The following TIE1 variants were observed in gnomAD, a reference collection of about 807,000 sequenced individuals.
TIE1 encodes tyrosine kinase with immunoglobulin like and EGF like domains 1.
TIE1 carries 89 observed loss-of-function variants against 130.5 expected under a neutral mutation model. That is an observed-to-expected ratio of 0.68 (90% CI 0.57 to 0.81). The LOEUF is 0.81. TIE1 is among the 40% of genes least tolerant of loss of function. The probability of loss-of-function intolerance (pLI) is 0.00; values close to 1 mark genes in which losing one functional copy is unlikely to be tolerated. For missense variants in TIE1, 1,392 were observed against 1,559.8 expected, an observed-to-expected ratio of 0.89 and a Z score of 1.81; for synonymous variants, 568 against 629.4, an observed-to-expected ratio of 0.90 and a Z score of 1.46.
In TIE1 at chr1:43,319,539, A is replaced by T; in HGVS notation, c.3107+10A>T. The T allele has an allele frequency of 6.2e-7, 1 of 1,613,656 alleles. No individual in the cohort carries two copies. The highest frequency in any genetic ancestry group is 8.5e-7 in the Non-Finnish European group (1 of 1,179,728). On this transcript the variant is annotated intron_variant, in intron 19 of 22. Transcript: ENST00000372476. The surrounding 1 kb of genome is among the most constrained non-coding windows in gnomAD (Gnocchi z 4.7). Reference sequence around the variant, plus strand: ...CCACCAAGAGTGATGTGTGAGTGTGAGATGAGAGGGCACAGGAGGGCTTGG... The same window carrying T: ...CCACCAAGAGTGATGTGTGAGTGTGTGATGAGAGGGCACAGGAGGGCTTGG...
Position 43,309,182 on chromosome 1 carries a change from C to A in TIE1, c.1188+51C>A, listed in dbSNP as rs1396651717. 6.5e-7 allele frequency: 1 copy of A among 1,547,946 alleles called. No individual in the cohort carries two copies. The highest frequency in any genetic ancestry group is 1.4e-5 in the African/African-American group (1 of 72,994). Reference sequence around the variant, plus strand: ...CCAGCCCCTCAGGCCGCCTGCTTCACAGCTGATCCCTAAGACCCCCTAGTC... The same window carrying A: ...CCAGCCCCTCAGGCCGCCTGCTTCAAAGCTGATCCCTAAGACCCCCTAGTC... On this transcript the variant is annotated intron_variant, in intron 8 of 22. Transcript: ENST00000372476. This position sits in a 1 kb window ranked among gnomAD's most constrained non-coding sequence, Gnocchi z 6.3.
In TIE1 at chr1:43,317,811, C is replaced by A; in HGVS notation, c.2732-71C>A. On this transcript the variant is annotated intron_variant, in intron 16 of 22. Transcript: ENST00000372476. This position sits in a 1 kb window ranked among gnomAD's most constrained non-coding sequence, Gnocchi z 5.1. ...GATCCTCCTTCATCCCTGTCTGTTA[C>A]CATCGGGTGCCTGCTCCCACCCTAG... The A allele has an allele frequency of 6.5e-7, 1 of 1,549,974 alleles. No homozygotes were observed. Among genetic ancestry groups the A allele is most frequent in the South Asian group, 1.2e-5 (1 of 86,758 alleles).
In TIE1 at chr1:43,304,898, C is replaced by G; in HGVS notation, c.106C>G (p.Pro36Ala). ...GCTGGCCAACCTGCGGCTCACGGAC[C>G]CCCAGCGCTTCTTCCTGACTTGCGT... ...TLLANLRLTD[P>A]QRFFLTCVSG... Residue 36 changes from proline to alanine, a missense_variant, in exon 2 of 23, where the codon CCC becomes GCC. Physicochemically the swap from Pro to Ala is conservative, Grantham distance 27. This residue lies in a region of TIE1 where 415 missense variants were observed against 424.8 expected (regional missense o/e 0.98). Coordinates refer to ENST00000372476, the MANE Select transcript of TIE1 (RefSeq NM_005424.5). 1.4e-6 allele frequency: 2 copies of G among 1,431,186 alleles called. No individual in the cohort carries two copies. The highest frequency in any genetic ancestry group is 1.8e-6 in the Non-Finnish European group (2 of 1,098,430). The allele number at this position is 1,431,186 out of a possible 1,614,324, so 88.7% of individuals were successfully genotyped here.
chr1:43,307,402 G>T lies in TIE1; in HGVS notation c.773-30G>T. Reference sequence around the variant, plus strand: ...GTCCTGGGCCCAGGGGCCCACAGAGGCCCATACACCCCACACACTCTCTTT... The same window carrying T: ...GTCCTGGGCCCAGGGGCCCACAGAGTCCCATACACCCCACACACTCTCTTT... On this transcript the variant is annotated intron_variant, in intron 5 of 22. Transcript: ENST00000372476. The surrounding 1 kb of genome is among the most constrained non-coding windows in gnomAD (Gnocchi z 5.4). 6.2e-7 allele frequency: 1 copy of T among 1,613,460 alleles called. No individual in the cohort carries two copies. The highest frequency in any genetic ancestry group is 8.5e-7 in the Non-Finnish European group (1 of 1,179,724).
At position 43,312,533 on chromosome 1, in the gene TIE1, T is replaced by C; in HGVS notation, c.1859T>C (p.Val620Ala). The change falls in exon 12 of 23, where the codon GTG becomes GCG. Residue 620 changes from valine (V) to alanine (A), a missense_variant. Physicochemically the swap from Val to Ala is moderately conservative, Grantham distance 64. Transcript: ENST00000372476. This position sits in a 1 kb window ranked among gnomAD's most constrained non-coding sequence, Gnocchi z 5.6. Reference protein sequence around the residue: ...LTPGTHYQLDVQLYHCTLLGP... With the variant: ...LTPGTHYQLDAQLYHCTLLGP... ...CCTGGCACCCACTACCAGCTGGATG[T>C]GCAGCTCTACCACTGCACCCTCCTG... 6.2e-7 allele frequency: 1 copy of C among 1,613,494 alleles called. No individual in the cohort carries two copies. Among genetic ancestry groups the C allele is most frequent in the Non-Finnish European group, 8.5e-7 (1 of 1,179,876 alleles).
chr1:43,304,990 C>CAA lies in TIE1; in HGVS notation c.198_199insAA (p.Asp67LysfsTer71), dbSNP rs1646710429. ...GCCCGCCCCTGCTGCTGGAGAAGGA[C>CAA]GACCGTATCGTGCGCACCCCGCCCG... On this transcript the variant is annotated frameshift_variant, in exon 2 of 23. Coordinates refer to ENST00000372476, the MANE Select transcript of TIE1 (RefSeq NM_005424.5). LOFTEE classifies it high-confidence loss of function. 6.6e-7 allele frequency: 1 copy of CAA among 1,503,818 alleles called. No individual in the cohort carries two copies. Among genetic ancestry groups the CAA allele is most frequent in the Non-Finnish European group, 8.9e-7 (1 of 1,126,184 alleles). The allele number at this position is 1,503,818 out of a possible 1,614,324, so 93.2% of individuals were successfully genotyped here.
At chr1:43,308,033 C>G in intron 7 of TIE1, 109 bp downstream of exon 7, 1 of 1,488,210 alleles carries the variant, frequency 6.7e-7, no homozygotes, top group Non-Finnish European at 9.0e-7. Context: ...GGGTCCAAGT[C>G]CTGCCCTCAG....
chr1:43,318,341 G>C lies in TIE1; in HGVS notation c.2922+269G>C, dbSNP rs1253715491. Reference sequence around the variant, plus strand: ...GAGGCCCAGGCTGGAGACAGCATCTGTGTGTGAGCTGTCACCCCACAGATG... The same window carrying C: ...GAGGCCCAGGCTGGAGACAGCATCTCTGTGTGAGCTGTCACCCCACAGATG... On this transcript the variant is annotated intron_variant, in intron 17 of 22. Transcript: ENST00000372476. The surrounding 1 kb of genome is among the most constrained non-coding windows in gnomAD (Gnocchi z 4.4). Among the ~76,000 whole-genome samples, 1 of 152,150 alleles carries C rather than the reference G, an allele frequency of 6.6e-6. No homozygotes were observed.
In TIE1 at chr1:43,321,137, GC is replaced by G. The variant is rs1646915671; in HGVS notation, c.3108-130del. 4.3e-6 allele frequency: 4 copies of G among 941,084 alleles called. No homozygotes were observed. In the East Asian group the frequency reaches 9.6e-5, roughly 23 times the overall value. 58.3% of individuals were successfully genotyped at this position (941,084 alleles called of 1,614,324 possible). On this transcript the variant is annotated intron_variant, in intron 19 of 22. Transcript: ENST00000372476. ...TTCATTGGCGCAGAGACAACAGCTG[GC>G]CAAGGCCAGATACTTACAGAGTAGA...
chr1:43,303,512 G>T (rs1646691099), intron 1 of TIE1, among the ~76,000 whole-genome samples: 1 of 152,154 alleles, frequency 6.6e-6, no homozygotes, highest in African/African-American at 2.4e-5. Context: ...AAGCTAGGTG[G>T]CATTTAAACT....
intron 22 of TIE1, 75 bp downstream of exon 22, chr1:43,321,790 C>T (rs1646923501): frequency 2.1e-6 from 3 of 1,402,672 alleles, no homozygotes; most frequent in Admixed American, 4.0e-5. Flanking sequence ...GGTGCCATGA[C>T]CCCTGTCCCA....
chr1:43,320,700 AAG>A (rs1646907212), intron 19 of TIE1: 2 of 151,882 alleles, frequency 1.3e-5, no homozygotes, highest in South Asian at 2.1e-4. Context: ...AAAATACAAA[AAG>A]AAATTAGCCG....
chr1:43,308,913 C>T (rs1268379796), intron 7 of TIE1, 73 bp from the exon 8 acceptor site: 22 of 1,604,066 alleles, frequency 1.4e-5, no homozygotes, highest in Admixed American at 3.3e-5. Flanking sequence ...AAACAGAACA[C>T]GGATGAGGGG....
rs1173063617 is a variant in TIE1 at position 43,317,081 on chromosome 1, A to T, written c.2410-118A>T. The T allele has an allele frequency of 3.8e-6, 4 of 1,046,802 alleles. No homozygotes were observed. The African/African-American group carries it at 6.2e-5, about 16-fold the overall frequency. The allele number at this position is 1,046,802 out of a possible 1,614,324, so 64.8% of individuals were successfully genotyped here. The stretch of plus-strand genomic sequence containing the variant: ...CTGGCTGACCACCAGGGTGCCCTCC[A>T]TCTGGGTCTCTGCCCACTTGTCTGA... On this transcript the variant is annotated intron_variant, in intron 14 of 22. Transcript: ENST00000372476. The surrounding 1 kb of genome is among the most constrained non-coding windows in gnomAD (Gnocchi z 5.1).
rs1031723042 is a variant in TIE1 at position 43,304,903 on chromosome 1, G to C, written c.111G>C (p.Gln37His). The C allele has an allele frequency of 6.3e-6, 9 of 1,435,122 alleles. No individual in the cohort carries two copies. The African/African-American group carries it at 1.3e-4, about 21-fold the overall frequency. 88.9% of individuals were successfully genotyped at this position (1,435,122 alleles called of 1,614,324 possible). Residue 37 changes from glutamine to histidine, a missense_variant, in exon 2 of 23, where the codon CAG (glutamine) becomes CAC (histidine). Around this residue, in one of 6 missense-constraint regions of TIE1, gnomAD observed 415 missense variants for 424.8 expected, o/e 0.98. Transcript: ENST00000372476. ...LLANLRLTDPQRFFLTCVSGE... is the reference protein window; with the variant it reads ...LLANLRLTDPHRFFLTCVSGE... The stretch of plus-strand genomic sequence containing the variant: ...CCAACCTGCGGCTCACGGACCCCCA[G>C]CGCTTCTTCCTGACTTGCGTGTCTG...
rs1208399651 is a variant in TIE1, at chr1:43,304,624, G to A, written c.59-227G>A. ...TCTTTTAGAATGAAGAGACTTGAGG[G>A]AAAGAGGCCAGTGCGCATGGAAGGG... On this transcript the variant is annotated intron_variant, in intron 1 of 22. Transcript: ENST00000372476. 7.2e-5 allele frequency among the ~76,000 whole-genome samples: 11 copies of A among 152,248 alleles called. 1 individual carries two copies. The East Asian group carries it at 1.5e-3, about 21-fold the overall frequency.
intron 14 of TIE1, chr1:43,314,236 C>A: frequency 2.9e-6 from 2 of 697,160 alleles, no homozygotes; most frequent in Non-Finnish European, 4.4e-6. Flanking sequence ...GACCATATTT[C>A]ACAATGGACA....
At position 43,313,283 on chromosome 1, in the gene TIE1, G is replaced by T. The variant is rs1278785211; in HGVS notation, c.2076G>T (p.Trp692Cys). ...CTGGGGGTGCAGGAGACCCACTGTGGATAGACGTGGACAGGCCTGAGGAGA... is the reference window on the plus strand; with the variant it reads ...CTGGGGGTGCAGGAGACCCACTGTGTATAGACGTGGACAGGCCTGAGGAGA... Reference protein sequence around the residue: ...QVAGGAGDPLWIDVDRPEETS... With the variant: ...QVAGGAGDPLCIDVDRPEETS... The change falls in exon 13 of 23, where the codon TGG (tryptophan) becomes TGT (cysteine). Residue 692 changes from tryptophan to cysteine, a missense_variant. Physicochemically the swap from Trp to Cys is radical, Grantham distance 215. Around this residue, in one of 6 missense-constraint regions of TIE1, gnomAD observed 551 missense variants for 565.5 expected, o/e 0.97. Transcript: ENST00000372476. This position sits in a 1 kb window ranked among gnomAD's most constrained non-coding sequence, Gnocchi z 6.2. 1.2e-6 allele frequency: 2 copies of T among 1,614,032 alleles called. No homozygotes were observed. The highest frequency in any genetic ancestry group is 8.5e-7 in the Non-Finnish European group (1 of 1,179,942).
chr1:43,312,289 T>A lies in TIE1; in HGVS notation c.1631-16T>A. On this transcript the variant is annotated splice_polypyrimidine_tract_variant and intron_variant, in intron 11 of 22. Transcript: ENST00000372476. The surrounding 1 kb of genome is among the most constrained non-coding windows in gnomAD (Gnocchi z 5.6). ...GTACCTACTGGACAGTTCTGACCCC[T>A]GACCTCTGGCCCCAGAGCCTTTGTT... 6.5e-7 allele frequency: 1 copy of A among 1,539,058 alleles called. No homozygotes were observed. The highest frequency in any genetic ancestry group is 8.8e-7 in the Non-Finnish European group (1 of 1,141,480).
Sources: gnomAD v4.1 joint callset for allele counts (sites outside exome capture counted in the v4.1 genomes callset) on GRCh38, gnomAD v4.1.1 for gene constraint, gnomAD v4.1.1 regional missense constraint, Gnocchi (gnomAD v3.1) non-coding constraint, MANE v1.5 for transcripts, NCBI Gene and HGNC (gene_info 2026-07-23, HGNC 2026-07-21) for gene names.